PTPRD: variants seen among roughly 807,000 people sequenced by gnomAD.
The protein encoded by PTPRD is protein tyrosine phosphatase receptor type D.
PTPRD carries 34 observed loss-of-function variants against 214.5 expected under a neutral mutation model. The ratio of observed to expected loss-of-function variants is 0.16; its 90% confidence interval spans 0.12 to 0.21. PTPRD has a LOEUF of 0.21. Among genes scored for constraint, PTPRD ranks in the 10% least tolerant of loss-of-function variants. The pLI, the probability that PTPRD is intolerant of heterozygous loss-of-function variation, is 1.00. For synonymous variants in PTPRD, 1,128 were observed against 845.7 expected (o/e 1.33, Z -5.79); for missense variants, 2,545 against 2,398.7 (o/e 1.06, Z -1.27).
At position 9,903,891 on chromosome 9, in the gene PTPRD, C is replaced by T. The variant is rs565712838; in HGVS notation, c.-368+34616G>A. Among the ~76,000 whole-genome samples the T allele has an allele frequency of 4.6e-5, 7 of 152,166 alleles. No individual in the cohort carries two copies. The South Asian group carries it at 8.3e-4, about 18-fold the overall frequency. ...TTACATTTGACCATAACAATAAACT[C>T]GGTTTTCAAAATGTGTCAATCAACT... On this transcript the variant is annotated intron_variant, in intron 5 of 45. Coordinates refer to ENST00000381196, the MANE Select transcript of PTPRD (RefSeq NM_002839.4).
At chr9:9,783,980 A>G (rs2098892583) in intron 5 of PTPRD, among the ~76,000 whole-genome samples, 1 of 152,092 alleles carries the variant, frequency 6.6e-6, no homozygotes, top group Non-Finnish European at 1.5e-5. Flanking sequence ...ATAGTGGGGA[A>G]AAAATTCTTG....
intron 3 of PTPRD, among the ~76,000 whole-genome samples, chr9:10,124,472 G>A (rs1294494313): frequency 5.3e-5 from 8 of 152,032 alleles, no homozygotes; most frequent in Non-Finnish European, 1.2e-4. Flanking sequence ...TTGGCCACAT[G>A]CTCTGAAATA....
chr9:9,451,057 G>A (rs1008894463), intron 8 of PTPRD, among the ~76,000 whole-genome samples: 8 of 150,434 alleles, frequency 5.3e-5, no homozygotes, highest in Non-Finnish European at 1.0e-4. Flanking sequence ...AGTCCACAGA[G>A]GTCAAAGAAT....
At chr9:9,227,857 T>C (rs1182982807) in intron 9 of PTPRD, among the ~76,000 whole-genome samples, 2 of 152,130 alleles carry the variant, frequency 1.3e-5, no homozygotes, top group Non-Finnish European at 2.9e-5. Flanking sequence ...TGAAACTTGA[T>C]TGCAGCCTAA....
intron 3 of PTPRD, among the ~76,000 whole-genome samples, chr9:10,319,394 A>C (rs1247863927): frequency 6.6e-6 from 1 of 152,090 alleles, no homozygotes; most frequent in African/African-American, 2.4e-5. Context: ...TCTGAAATTC[A>C]AAATATGTGC....
At chr9:9,390,450 C>G (rs1007727) in intron 9 of PTPRD, among the ~76,000 whole-genome samples, 25,640 of 152,144 alleles carry the variant, frequency 0.17, 2,819 homozygotes, top group East Asian at 0.45. Flanking sequence ...ATGGTAGATT[C>G]TGTCTTGCAG....
rs144734756 is a variant in PTPRD, at chr9:10,113,981, CTT to C, written c.-544-80193_-544-80192del. ...AAAAATGAAAATTCCAGTGTCTACT[CTT>C]ATAGATTCTGATTTGAAAGGACAAG... On this transcript the variant is annotated intron_variant, in intron 3 of 45. Transcript: ENST00000381196. Among the ~76,000 whole-genome samples, 579 of 152,282 alleles carry C rather than the reference CTT, an allele frequency of 3.8e-3. 3 individuals carry two copies. The highest frequency in any genetic ancestry group is 0.013 in the African/African-American group (553 of 41,566).
At position 9,272,424 on chromosome 9, in the gene PTPRD, G is replaced by C. The variant is rs1041273380; in HGVS notation, c.-202-89061C>G. On this transcript the variant is annotated intron_variant, in intron 9 of 45. Transcript: ENST00000381196. ...CTATTTAACTACAAGCAGTACTGTT[G>C]GGTACTGACTTAATATTAGCGGGAA... is the stretch of plus-strand genomic sequence containing the variant. Among the ~76,000 whole-genome samples the C allele has an allele frequency of 2.6e-5, 4 of 151,266 alleles. No homozygotes were observed. In the South Asian group the frequency reaches 6.2e-4, roughly 24 times the overall value.
At chr9:8,954,130 C>A (rs1013786352) in intron 11 of PTPRD, among the ~76,000 whole-genome samples, 1 of 151,800 alleles carries the variant, frequency 6.6e-6, no homozygotes, top group South Asian at 2.1e-4. Context: ...AAAGAAAATG[C>A]AGTACATATA....
At chr9:10,077,618 G>A (rs1163690299) in intron 3 of PTPRD, among the ~76,000 whole-genome samples, 1 of 152,048 alleles carries the variant, frequency 6.6e-6, no homozygotes, top group Non-Finnish European at 1.5e-5. Context: ...GTATCCAATA[G>A]GTAATTTTTC....
At chr9:9,932,508 G>A (rs1162065736) in intron 5 of PTPRD, among the ~76,000 whole-genome samples, 11 of 131,636 alleles carry the variant, frequency 8.4e-5, no homozygotes, top group African/African-American at 2.8e-4. Context: ...GAAATGAAGC[G>A]AGAAGGGAAG....
chr9:8,515,819 C>T (rs2097772431), intron 21 of PTPRD, among the ~76,000 whole-genome samples: 2 of 152,118 alleles, frequency 1.3e-5, no homozygotes, highest in Non-Finnish European at 2.9e-5. Context: ...ACAATAGATT[C>T]CCGTTGTTTA....
intron 11 of PTPRD, among the ~76,000 whole-genome samples, chr9:8,961,080 C>T (rs1482265518): frequency 1.3e-5 from 2 of 151,824 alleles, no homozygotes; most frequent in Admixed American, 6.6e-5. Flanking sequence ...TAATGAAATA[C>T]CAGCTGCCAC....
chr9:8,618,909 T>G (rs1332924297), intron 14 of PTPRD, among the ~76,000 whole-genome samples: 1 of 102,478 alleles, frequency 9.8e-6, no homozygotes, highest in African/African-American at 3.9e-5. Context: ...TGTCTGTGTT[T>G]TTTTGTTTTT....
At position 8,349,320 on chromosome 9, in the gene PTPRD, T is replaced by TTTTG. The variant is rs369521751; in HGVS notation, c.4662-7346_4662-7343dup. ...AGCTTTTAAAAGTATCCCAGCCTAC[T>TTTTG]TTTGTTTGAATTTCCAAGTTCCCAC... On this transcript the variant is annotated intron_variant, in intron 39 of 45. Transcript: ENST00000381196. Among the ~76,000 whole-genome samples the TTTTG allele has an allele frequency of 3.0e-3, 453 of 152,314 alleles. 1 individual carries two copies. The highest frequency in any genetic ancestry group is 9.8e-3 in the African/African-American group (406 of 41,578).
chr9:8,472,408 G>A (rs2096670912), intron 30 of PTPRD, among the ~76,000 whole-genome samples: 1 of 152,092 alleles, frequency 6.6e-6, no homozygotes, highest in Non-Finnish European at 1.5e-5. Flanking sequence ...GACCACAGAG[G>A]CCAGCAAGGC....
At chr9:10,181,797 T>C (rs1014443418) in intron 3 of PTPRD, among the ~76,000 whole-genome samples, 3 of 151,192 alleles carry the variant, frequency 2.0e-5, no homozygotes, top group Non-Finnish European at 4.4e-5. Flanking sequence ...CCTCATGCCA[T>C]ATATGAAAAT....
rs1303354453 is a variant in PTPRD, at chr9:8,852,065, A to C, written c.-103-118119T>G. ...AAATCCATCTACTAACGGTTTAAAAAAAAAAAGATGTCTCTTGTTACTTGT... is the reference window on the plus strand; with the variant it reads ...AAATCCATCTACTAACGGTTTAAAACAAAAAAGATGTCTCTTGTTACTTGT... On this transcript the variant is annotated intron_variant, in intron 11 of 45. Transcript: ENST00000381196. Among the ~76,000 whole-genome samples the C allele has an allele frequency of 3.9e-5, 6 of 152,192 alleles. 1 individual carries two copies. Among genetic ancestry groups the C allele is most frequent in the Non-Finnish European group, 8.8e-5 (6 of 68,036 alleles).
chr9:10,317,670 T>C (rs1444659774), intron 3 of PTPRD, among the ~76,000 whole-genome samples: 1 of 152,046 alleles, frequency 6.6e-6, no homozygotes, highest in Non-Finnish European at 1.5e-5. Context: ...TCTTAATTTT[T>C]AAATGTTGCA....
Sources: allele counts gnomAD v4.1 joint callset (sites outside exome capture counted in the v4.1 genomes callset), GRCh38; gene constraint gnomAD v4.1.1; transcripts MANE v1.5; gene names NCBI Gene and HGNC (gene_info 2026-07-23, HGNC 2026-07-21).